HEG1: variants seen among roughly 807,000 people sequenced by gnomAD.
HEG1 encodes the protein protein HEG homolog 1.
In HEG1, 56 loss-of-function variants were observed where a neutral mutation model predicts 125.6. The observed-to-expected ratio is 0.45, with a 90% CI of 0.36 to 0.56. The LOEUF is 0.56. HEG1 is among the 20% of genes least tolerant of loss of function. The pLI is 0.00. For synonymous variants in HEG1, 644 were observed against 668.5 expected, an observed-to-expected ratio of 0.96 and a Z score of 0.57; for missense variants, 1,523 against 1,670.0, an observed-to-expected ratio of 0.91 and a Z score of 1.53.
At chr3:124,977,110 G>A (rs1399228356) in intron 15 of HEG1, among the ~76,000 whole-genome samples, 2 of 152,048 alleles carry the variant, frequency 1.3e-5, no homozygotes, top group East Asian at 3.9e-4. Context: ...GGTTCTATAC[G>A]GGGGAGTTTC....
rs930114334 is a variant in HEG1 at position 124,969,724 on chromosome 3, G to A, written c.*928C>T. On this transcript the variant is annotated 3_prime_UTR_variant, in exon 17 of 17. Coordinates refer to ENST00000311127, the MANE Select transcript of HEG1 (RefSeq NM_020733.2). ...GGGCTCAACAAGCTGCTTTCCTAGA[G>A]TGGTGAAACCTGCGTTCAGTTTGAC... 1 of 152,222 alleles carries A rather than the reference G, an allele frequency of 6.6e-6. No homozygotes were observed. The highest frequency in any genetic ancestry group is 1.5e-5 in the Non-Finnish European group (1 of 68,120). The allele number at this position is 152,222 out of a possible 1,614,324, so 9.4% of individuals were successfully genotyped here. A position where few individuals can be genotyped will look rare whatever the true frequency, so the allele number is the denominator to read the frequency against.
chr3:124,980,617 A>C (rs1936631583), intron 14 of HEG1, among the ~76,000 whole-genome samples: 1 of 151,994 alleles, frequency 6.6e-6, no homozygotes, highest in Non-Finnish European at 1.5e-5. Flanking sequence ...CCCAGGTTCA[A>C]GCGATTCTCA....
chr3:125,036,209 C>CAAAAAAAAAAAAAAAAAAAAAAAAAAAA (rs10658772), intron 1 of HEG1, among the ~76,000 whole-genome samples: 1 of 70,560 alleles, frequency 1.4e-5, no homozygotes, highest in Non-Finnish European at 2.4e-5. Flanking sequence ...GACCCTGTCT[C>CAAAAAAAAAAAAAAAAAAAAAAAAAAAA]AAAAAAAAAA....
At position 125,019,346 on chromosome 3, in the gene HEG1, A is replaced by G. The variant is rs373119654; in HGVS notation, c.1504T>C (p.Leu502=). 75 of 1,613,894 alleles carry G rather than the reference A, an allele frequency of 4.6e-5. No individual in the cohort carries two copies. Among genetic ancestry groups the G allele is most frequent in the Non-Finnish European group, 6.2e-5 (73 of 1,179,892 alleles). Residue 502 remains leucine, a synonymous_variant, in exon 5 of 17, where the codon TTG becomes CTG. Coordinates refer to ENST00000311127, the MANE Select transcript of HEG1 (RefSeq NM_020733.2). ...TVQSGGSHTA[L]GDRSYSESSS... ...GACTCTGAATAACTCCTATCTCCCA[A>G]TGCTGTGTGACTTCCTCCAGACTGT... is the stretch of plus-strand genomic sequence containing the variant.
intron 6 of HEG1, among the ~76,000 whole-genome samples, chr3:125,010,778 C>T (rs1202341964): frequency 1.3e-5 from 2 of 152,184 alleles, no homozygotes; most frequent in Non-Finnish European, 2.9e-5. Context: ...ACAATGGGAT[C>T]CCTGAATGCA....
Position 125,029,223 on chromosome 3 carries a change from T to C in HEG1, c.582A>G (p.Thr194=). 6.2e-7 allele frequency: 1 copy of C among 1,613,120 alleles called. No homozygotes were observed. Among genetic ancestry groups the C allele is most frequent in the South Asian group, 1.1e-5 (1 of 90,868 alleles). ...LPVGYSLEIA[T]ALTSQSGNLA... ...AGTTGCCACTCTGGGAAGTCAGAGC[T>C]GTTGCTATCTCCAGTGAGTACCCAA... The change falls in exon 2 of 17, where the codon ACA becomes ACG. Residue 194 remains threonine, a synonymous_variant. Coordinates refer to ENST00000311127, the MANE Select transcript of HEG1 (RefSeq NM_020733.2).
chr3:124,991,594 T>G (rs974691742), intron 12 of HEG1, among the ~76,000 whole-genome samples: 1 of 152,208 alleles, frequency 6.6e-6, no homozygotes, highest in Non-Finnish European at 1.5e-5. Context: ...TAGTAACCAC[T>G]AAATCAGGGT....
At chr3:125,040,065 A>C (rs1241676179) in intron 1 of HEG1, among the ~76,000 whole-genome samples, 1 of 152,218 alleles carries the variant, frequency 6.6e-6, no homozygotes, top group East Asian at 1.9e-4. Context: ...ATTTTTACGC[A>C]TAACGAAAAG....
At position 125,028,172 on chromosome 3, in the gene HEG1, T is replaced by C. The variant is rs201368099; in HGVS notation, c.611-665A>G. On this transcript the variant is annotated intron_variant, in intron 2 of 16. Coordinates refer to ENST00000311127, the MANE Select transcript of HEG1 (RefSeq NM_020733.2). Reference sequence around the variant, plus strand: ...TGTCTGCCTGGGTGGTCCCTTTGACTCCAGGTTCCCTCCATCCTCCTACCC... The same window carrying C: ...TGTCTGCCTGGGTGGTCCCTTTGACCCCAGGTTCCCTCCATCCTCCTACCC... Among the ~76,000 whole-genome samples the C allele has an allele frequency of 2.6e-3, 391 of 152,316 alleles. 1 individual carries two copies. The highest frequency in any genetic ancestry group is 9.2e-3 in the African/African-American group (383 of 41,564).
intron 1 of HEG1, among the ~76,000 whole-genome samples, chr3:125,050,785 GATT>G: frequency 6.6e-6 from 1 of 152,264 alleles, no homozygotes; most frequent in South Asian, 2.1e-4. Flanking sequence ...AATATATCTT[GATT>G]TACAAATCAG....
intron 1 of HEG1, among the ~76,000 whole-genome samples, chr3:125,045,357 C>G (rs1937646163): frequency 6.6e-6 from 1 of 152,200 alleles, no homozygotes; most frequent in African/African-American, 2.4e-5. Context: ...AAGTATTCCC[C>G]AGAGACAACT....
chr3:125,027,044 C>A (rs1286720739), intron 3 of HEG1, among the ~76,000 whole-genome samples, 161 bp downstream of exon 3: 1 of 152,160 alleles, frequency 6.6e-6, no homozygotes, highest in Admixed American at 6.5e-5. Flanking sequence ...TAGGTTGTAC[C>A]TACTTCCACT....
chr3:125,027,467 G>A lies in HEG1; in HGVS notation c.651C>T (p.Phe217=), dbSNP rs1425099430. ...SLHLPSSSSE[F]DERIAAFQTK... is the part of the protein sequence containing the mutation. ...TTTGAAAAGCGGCAATTCTTTCATC[G>A]AACTCTGAACTGCTGGATGGCAGGT... The change falls in exon 3 of 17, where the codon TTC becomes TTT. Residue 217 remains phenylalanine, a synonymous_variant. Transcript: ENST00000311127. 2.5e-6 allele frequency: 4 copies of A among 1,612,612 alleles called. No homozygotes were observed. The highest frequency in any genetic ancestry group is 2.2e-5 in the East Asian group (1 of 44,894).
At chr3:124,982,744 C>T (rs777346210) in intron 14 of HEG1, among the ~76,000 whole-genome samples, 4 of 152,168 alleles carry the variant, frequency 2.6e-5, no homozygotes, top group Non-Finnish European at 4.4e-5. Context: ...AAACTGTGCA[C>T]CCCCTTCCAT....
At chr3:124,992,877 CA>C (rs1225558088) in intron 12 of HEG1, among the ~76,000 whole-genome samples, 1 of 152,250 alleles carries the variant, frequency 6.6e-6, no homozygotes, top group Non-Finnish European at 1.5e-5. Context: ...TTTGACCCCA[CA>C]GTATCACTTT....
At chr3:125,000,145 C>T (rs1228485849) in intron 11 of HEG1, among the ~76,000 whole-genome samples, 2 of 152,152 alleles carry the variant, frequency 1.3e-5, no homozygotes, top group Non-Finnish European at 2.9e-5. Flanking sequence ...AGCTAATATG[C>T]ATAGCTGTCT....
At chr3:125,022,396 C>CGTGAGAGAGAGAGA (rs1937348006) in intron 3 of HEG1, among the ~76,000 whole-genome samples, 1 of 142,632 alleles carries the variant, frequency 7.0e-6, no homozygotes, top group African/African-American at 2.6e-5. Context: ...ATCACTACAG[C>CGTGAGAGAGAGAGA]GAGAGAGAGA....
Position 125,037,607 on chromosome 3 carries a change from A to C in HEG1, c.317-8119T>G, listed in dbSNP as rs919489329. On this transcript the variant is annotated intron_variant, in intron 1 of 16. Transcript: ENST00000311127. ...GACCACCTCTGCAGAGCAGCTAGAC[A>C]CCAAATACACCCTTGGTTAGTGCAG... Among the ~76,000 whole-genome samples the C allele has an allele frequency of 9.2e-5, 14 of 152,306 alleles. No homozygotes were observed. In the Middle Eastern group the frequency reaches 0.01, roughly 111 times the overall value.
chr3:125,055,410 G>C (rs1459158541), intron 1 of HEG1, among the ~76,000 whole-genome samples, 165 bp downstream of exon 1: 5 of 152,090 alleles, frequency 3.3e-5, no homozygotes, highest in African/African-American at 1.2e-4. Context: ...CTGCGAAAGC[G>C]TCCCTCCCTA....
Sources: gnomAD v4.1 joint callset for allele counts (sites outside exome capture counted in the v4.1 genomes callset) on GRCh38, gnomAD v4.1.1 for gene constraint, MANE v1.5 for transcripts, NCBI Gene and HGNC (gene_info 2026-07-23, HGNC 2026-07-21) for gene names.